VAC14: variants seen among roughly 807,000 people sequenced by gnomAD.
The protein encoded by VAC14 is protein VAC14 homolog.
In VAC14, 47 loss-of-function variants were observed where a neutral mutation model predicts 85.3. The observed-to-expected ratio is 0.55, with a 90% CI of 0.44 to 0.70. VAC14 has a LOEUF of 0.70. Among genes scored for constraint, VAC14 ranks in the 30% least tolerant of loss-of-function variants. VAC14 has a pLI of 0.00. For synonymous variants in VAC14, 447 were observed against 430.5 expected (o/e 1.04, Z -0.47); for missense variants, 861 against 1,004.3 (o/e 0.86, Z 1.93).
At chr16:70,755,929 C>T (rs2031807747) in intron 12 of VAC14, 5 of 444,604 alleles carry the variant, frequency 1.1e-5, no homozygotes, top group South Asian at 3.2e-5. Flanking sequence ...CCATTCCTCA[C>T]AGCACAGCTC....
At chr16:70,744,187 C>A (rs925036932) in intron 13 of VAC14, among the ~76,000 whole-genome samples, 2 of 152,110 alleles carry the variant, frequency 1.3e-5, no homozygotes, top group African/African-American at 4.8e-5. Context: ...ATCAAAGGTG[C>A]AGGGAGATGC....
chr16:70,766,145 C>G (rs867296349), intron 10 of VAC14, among the ~76,000 whole-genome samples: 1 of 146,720 alleles, frequency 6.8e-6, no homozygotes, highest in South Asian at 2.1e-4. Context: ...GAGCAAGACC[C>G]TGTCCCAAAA....
chr16:70,746,507 C>T (rs989175187), intron 12 of VAC14, among the ~76,000 whole-genome samples: 2 of 152,204 alleles, frequency 1.3e-5, no homozygotes, highest in African/African-American at 2.4e-5. Flanking sequence ...GATGAATCCA[C>T]GTGGCTGAGA....
chr16:70,764,899 C>T (rs111860069), intron 10 of VAC14, among the ~76,000 whole-genome samples: 25 of 152,182 alleles, frequency 1.6e-4, no homozygotes, highest in Admixed American at 7.2e-4. Context: ...CCTTAGCTGA[C>T]GGCCAGCATT....
chr16:70,721,016 G>A (rs150636380), intron 14 of VAC14, among the ~76,000 whole-genome samples: 1,771 of 152,326 alleles, frequency 0.012, 33 homozygotes, highest in African/African-American at 0.039. Context: ...TGGATGATGC[G>A]AGCCACTGCG....
chr16:70,741,701 C>A (rs2143009598), intron 13 of VAC14, among the ~76,000 whole-genome samples: 1 of 152,332 alleles, frequency 6.6e-6, no homozygotes, highest in African/African-American at 2.4e-5. Context: ...GGAGTTTCTT[C>A]CCATCTGGCA....
At chr16:70,688,359 G>A in intron 18 of VAC14, 1 of 1,125,738 alleles carries the variant, frequency 8.9e-7, no homozygotes, top group Non-Finnish European at 1.1e-6. Context: ...CCCAGAGCAG[G>A]CATCGCATTG....
intron 12 of VAC14, 117 bp from the exon 13 acceptor site, chr16:70,744,696 G>A: frequency 7.7e-7 from 1 of 1,302,710 alleles, no homozygotes; most frequent in Non-Finnish European, 1.0e-6. Flanking sequence ...GTCTGCAGAT[G>A]ACAGCAGGCT....
rs1025530288 is a variant in VAC14, at chr16:70,762,103, T to TC, written c.1371+436_1371+437insG. The stretch of plus-strand genomic sequence containing the variant: ...AGAGTCCTCACTCCTAAAGTGAGTT[T>TC]TTTTTTTTGTTTTTGTTTTTTTGAG... On this transcript the variant is annotated intron_variant, in intron 12 of 18. Transcript: ENST00000261776. This position sits in a 1 kb window ranked among gnomAD's most constrained non-coding sequence, Gnocchi z 4.1. Among the ~76,000 whole-genome samples, 1 of 134,322 alleles carries TC rather than the reference T, an allele frequency of 7.4e-6. No individual in the cohort carries two copies. The highest frequency in any genetic ancestry group is 1.5e-5 in the Non-Finnish European group (1 of 66,102). 88.1% of individuals were successfully genotyped at this position (134,322 alleles called of 152,430 possible). A position where few individuals can be genotyped will look rare whatever the true frequency, so the allele number is the denominator to read the frequency against.
chr16:70,688,465 G>A (rs970537502), intron 18 of VAC14: 6 of 995,112 alleles, frequency 6.0e-6, no homozygotes, highest in Non-Finnish European at 4.8e-6. Flanking sequence ...CAGGGTCTGG[G>A]GAGAAGGGGG....
At chr16:70,729,269 C>G (rs191373173) in intron 14 of VAC14, among the ~76,000 whole-genome samples, 169 of 152,342 alleles carry the variant, frequency 1.1e-3, no homozygotes, top group Middle Eastern at 6.8e-3. Context: ...TCGAGAAGCC[C>G]TGCTCTAGAA....
intron 12 of VAC14, among the ~76,000 whole-genome samples, chr16:70,752,580 T>C (rs1460870009): frequency 6.6e-6 from 1 of 152,254 alleles, no homozygotes; most frequent in Non-Finnish European, 1.5e-5. Flanking sequence ...TCATACCCGC[T>C]ATGGCTCTGT....
At chr16:70,790,129 A>G (rs1232637997) in intron 1 of VAC14, among the ~76,000 whole-genome samples, 1 of 152,216 alleles carries the variant, frequency 6.6e-6, no homozygotes, top group Non-Finnish European at 1.5e-5. Context: ...ATACTGTGCA[A>G]ACAGAAAAAA....
At chr16:70,691,519 G>A in intron 18 of VAC14, 1 of 985,442 alleles carries the variant, frequency 1.0e-6, no homozygotes, top group Non-Finnish European at 1.2e-6. Flanking sequence ...ACCCACACAT[G>A]CGCCCCCGCT....
At chr16:70,750,300 C>T (rs2031276484) in intron 12 of VAC14, among the ~76,000 whole-genome samples, 1 of 152,202 alleles carries the variant, frequency 6.6e-6, no homozygotes, top group South Asian at 2.1e-4. Flanking sequence ...TTAGTATGCG[C>T]TACACAGCTT....
At chr16:70,784,278 G>T in intron 4 of VAC14, 58 bp from the exon 5 acceptor site, 1 of 1,444,438 alleles carries the variant, frequency 6.9e-7, no homozygotes, top group East Asian at 2.3e-5. Context: ...GCCTGACCTC[G>T]CTGAATCACT....
At chr16:70,740,100 A>C (rs1244064732) in intron 13 of VAC14, among the ~76,000 whole-genome samples, 1 of 152,084 alleles carries the variant, frequency 6.6e-6, no homozygotes, top group Non-Finnish European at 1.5e-5. Flanking sequence ...AGCTGGGATT[A>C]CAGGCACGCA....
intron 14 of VAC14, among the ~76,000 whole-genome samples, chr16:70,725,177 C>T (rs932753283): frequency 1.3e-5 from 2 of 152,090 alleles, no homozygotes; most frequent in East Asian, 3.9e-4. Context: ...TGCCTCCAGG[C>T]AGGTGAGGGG....
chr16:70,785,975 T>C (rs2034036920), intron 2 of VAC14, 106 bp from the exon 3 acceptor site: 3 of 1,387,516 alleles, frequency 2.2e-6, no homozygotes, highest in Middle Eastern at 2.2e-4. Flanking sequence ...TGCTCAGGCC[T>C]TTGTGTGAGG....
Sources: gnomAD v4.1 joint callset for allele counts (sites outside exome capture counted in the v4.1 genomes callset) on GRCh38, gnomAD v4.1.1 for gene constraint, Gnocchi (gnomAD v3.1) non-coding constraint, MANE v1.5 for transcripts, NCBI Gene and HGNC (gene_info 2026-07-23, HGNC 2026-07-21) for gene names.